Variants in MMP26 observed in about 807,000 individuals in gnomAD.
MMP26 encodes matrix metalloproteinase-26.
In MMP26, 33 loss-of-function variants were observed where a neutral mutation model predicts 31.0. The ratio of observed to expected loss-of-function variants is 1.06; its 90% CI spans 0.81 to 1.42. The LOEUF is 1.42. Among genes scored for constraint, MMP26 ranks in the 40% most tolerant of loss-of-function variants. The pLI, the probability that MMP26 is intolerant of heterozygous loss-of-function variation, is 0.00. For missense variants in MMP26, 347 were observed against 316.1 expected (o/e 1.10, Z -0.74); for synonymous variants, 122 against 114.9 (o/e 1.06, Z -0.40).
At position 4,965,068 on chromosome 11, in the gene MMP26, C is replaced by T. The variant is rs979722271; in HGVS notation, c.-144-23000C>T. Among the ~76,000 whole-genome samples the T allele has an allele frequency of 3.1e-4, 47 of 152,178 alleles. 1 individual carries two copies. The highest frequency in any genetic ancestry group is 8.2e-4 in the African/African-American group (34 of 41,498). On this transcript the variant is annotated intron_variant, in intron 2 of 7. Coordinates refer to ENST00000380390, the MANE Select transcript of MMP26 (RefSeq NM_021801.5). The stretch of plus-strand genomic sequence containing the variant: ...ACCTGTCCACATGCTGCACATGTAC[C>T]GCTGAACTGAAAATTAAAGTTGATT...
At chr11:4,705,500 G>A (rs1589879049) in intron 1 of MMP26, among the ~76,000 whole-genome samples, 1 of 152,200 alleles carries the variant, frequency 6.6e-6, no homozygotes, top group Non-Finnish European at 1.5e-5. Flanking sequence ...GCTTTGTTGT[G>A]AGGGCTGTCT....
intron 2 of MMP26, among the ~76,000 whole-genome samples, chr11:4,901,621 A>C (rs925605446): frequency 1.3e-5 from 2 of 152,144 alleles, no homozygotes; most frequent in African/African-American, 4.8e-5. Flanking sequence ...TCTTGGTGGT[A>C]AAAGATAAAA....
intron 2 of MMP26, chr11:4,938,351 A>C (rs1221360799): frequency 6.6e-6 from 1 of 152,156 alleles, no homozygotes; most frequent in Non-Finnish European, 1.5e-5. Flanking sequence ...GAAATTTCTT[A>C]AGTGAACTTA....
At chr11:4,898,837 G>C (rs1313263811) in intron 2 of MMP26, among the ~76,000 whole-genome samples, 352 of 42,062 alleles carry the variant, frequency 8.4e-3, no homozygotes, top group Middle Eastern at 0.026. Context: ...CTCTCTGTGT[G>C]TGTGTGTGTG....
At chr11:4,945,745 A>T (rs1846288006) in intron 2 of MMP26, 2 of 231,304 alleles carry the variant, frequency 8.6e-6, no homozygotes, top group South Asian at 1.2e-4. Context: ...TAAATGATTA[A>T]ATTAAAAAAA....
intron 1 of MMP26, among the ~76,000 whole-genome samples, chr11:4,725,143 G>A (rs762468079): frequency 1.4e-4 from 21 of 152,138 alleles, no homozygotes; most frequent in Non-Finnish European, 2.9e-5. Context: ...TGCCATGACT[G>A]TAAGTTTCCT....
intron 2 of MMP26, chr11:4,876,879 A>C (rs1417609950): frequency 2.6e-5 from 4 of 154,556 alleles, no homozygotes; most frequent in African/African-American, 9.7e-5. Flanking sequence ...CTTCATCCAC[A>C]CATTTGGGGG....
chr11:4,850,091 T>A (rs1197567639), intron 2 of MMP26, among the ~76,000 whole-genome samples: 1 of 152,230 alleles, frequency 6.6e-6, no homozygotes, highest in Non-Finnish European at 1.5e-5. Flanking sequence ...TTATTTCTTC[T>A]ATCTAAGTGT....
intron 2 of MMP26, among the ~76,000 whole-genome samples, chr11:4,883,925 T>G (rs11603903): frequency 0.67 from 101,495 of 151,896 alleles, 35,394 homozygotes; most frequent in Middle Eastern, 0.77. Context: ...GACCAAGCAG[T>G]TACTCTGATT....
chr11:4,922,142 C>A (rs540462691), intron 2 of MMP26, among the ~76,000 whole-genome samples: 43 of 152,250 alleles, frequency 2.8e-4, no homozygotes, highest in Non-Finnish European at 5.6e-4. Flanking sequence ...TAATGGCCAA[C>A]AAGCATATGA....
rs1015819639 is a variant in MMP26, at chr11:4,947,658, G to A, written c.-144-40410G>A. 2 of 126,118 alleles carry A rather than the reference G, an allele frequency of 1.6e-5. 1 individual carries two copies. Among genetic ancestry groups the A allele is most frequent in the African/African-American group, 5.4e-5 (2 of 36,896 alleles). The allele number at this position is 126,118 out of a possible 1,614,324, so 7.8% of individuals were successfully genotyped here. ...CAAAAGACTCCTCTTATATATAAGG[G>A]CTTGTCTTATTCTTTCTACCTAACC... On this transcript the variant is annotated intron_variant, in intron 2 of 7. Transcript: ENST00000380390.
At chr11:4,924,111 G>T in intron 2 of MMP26, 2 of 1,614,120 alleles carry the variant, frequency 1.2e-6, no homozygotes, top group Non-Finnish European at 1.7e-6. Context: ...AGTGTGGAAA[G>T]GCAAAGGCCT....
Position 4,987,889 on chromosome 11 carries a change from T to C in MMP26, c.-144-179T>C, listed in dbSNP as rs36224984. Among the ~76,000 whole-genome samples, 301 of 152,314 alleles carry C rather than the reference T, an allele frequency of 2.0e-3. 3 individuals carry two copies. In the South Asian group the frequency reaches 0.023, roughly 12 times the overall value. On this transcript the variant is annotated intron_variant, in intron 2 of 7. Coordinates refer to ENST00000380390, the MANE Select transcript of MMP26 (RefSeq NM_021801.5). ...AATGAGTTTCGACACACCTCCTGTT[T>C]CTTGTTTTCCCCCCTATTTTAAAAA... is the stretch of plus-strand genomic sequence containing the variant.
intron 2 of MMP26, among the ~76,000 whole-genome samples, chr11:4,833,350 A>T (rs1253217777): frequency 6.6e-6 from 1 of 152,210 alleles, no homozygotes; most frequent in African/African-American, 2.4e-5. Flanking sequence ...GAGAAGGAAG[A>T]GCAAAACTCT....
chr11:4,783,486 G>C (rs34774719), intron 2 of MMP26, among the ~76,000 whole-genome samples: 14,427 of 152,202 alleles, frequency 0.095, 850 homozygotes, highest in Middle Eastern at 0.15. Flanking sequence ...AGGCTCATAA[G>C]CAGAAGGGAC....
chr11:4,729,728 C>CATAT (rs141566085), intron 1 of MMP26, among the ~76,000 whole-genome samples: 96 of 150,332 alleles, frequency 6.4e-4, no homozygotes, highest in African/African-American at 2.3e-3. Flanking sequence ...CAGGTGTGAG[C>CATAT]ATATATATAT....
chr11:4,901,151 T>TA (rs1447141740), intron 2 of MMP26, among the ~76,000 whole-genome samples: 1 of 37,074 alleles, frequency 2.7e-5, no homozygotes, highest in Non-Finnish European at 5.7e-5. Flanking sequence ...TCTTTGTGCT[T>TA]TTTTTTTTTT....
intron 2 of MMP26, among the ~76,000 whole-genome samples, chr11:4,895,801 C>G (rs1016865148): frequency 6.6e-6 from 1 of 152,166 alleles, no homozygotes; most frequent in Non-Finnish European, 1.5e-5. Flanking sequence ...TGGCACATGA[C>G]TGACTATAGT....
rs1399718191 is a variant in MMP26 at position 4,923,713 on chromosome 11, C to T, written c.-144-64355C>T. On this transcript the variant is annotated intron_variant, in intron 2 of 7. Transcript: ENST00000380390. ...GAAAGATGAGCAGGGAGTCCACACC[C>T]ACGGTGCAGGCCACAACAAAGAGCC... The T allele has an allele frequency of 1.9e-6, 3 of 1,614,008 alleles. No individual in the cohort carries two copies. The African/African-American group carries it at 4.0e-5, about 22-fold the overall frequency.
Sources: allele counts gnomAD v4.1 joint callset (sites outside exome capture counted in the v4.1 genomes callset), GRCh38; gene constraint gnomAD v4.1.1; transcripts MANE v1.5; gene names NCBI Gene and HGNC (gene_info 2026-07-23, HGNC 2026-07-21).